Variants in KAT6A observed in about 807,000 individuals in gnomAD.
KAT6A encodes the protein histone acetyltransferase KAT6A.
KAT6A carries 9 observed loss-of-function variants against 198.4 expected under a neutral mutation model. That is an observed-to-expected ratio of 0.05 (90% CI 0.03 to 0.08). The LOEUF (loss-of-function observed/expected upper bound fraction) is 0.08. KAT6A is among the 10% of genes least tolerant of loss of function. The pLI is 1.00. For missense variants in KAT6A, 2,077 were observed against 2,509.9 expected, an observed-to-expected ratio of 0.83 and a Z score of 3.69; for synonymous variants, 890 against 883.0, an observed-to-expected ratio of 1.01 and a Z score of -0.14.
At chr8:42,006,780 G>C (rs1825771834) in intron 2 of KAT6A, among the ~76,000 whole-genome samples, 1 of 152,122 alleles carries the variant, frequency 6.6e-6, no homozygotes, top group Non-Finnish European at 1.5e-5. Flanking sequence ...CGGATCACCT[G>C]AGGTCAGGAG....
intron 2 of KAT6A, among the ~76,000 whole-genome samples, chr8:42,013,802 A>G (rs576481256): frequency 1.6e-4 from 24 of 152,358 alleles, no homozygotes; most frequent in African/African-American, 5.8e-4. Flanking sequence ...AAGGAGTTCA[A>G]TTAGGAGGCA....
At chr8:42,001,154 T>C (rs182808628) in intron 2 of KAT6A, among the ~76,000 whole-genome samples, 89 of 152,344 alleles carry the variant, frequency 5.8e-4, no homozygotes, top group Admixed American at 4.8e-3. Flanking sequence ...CCAGAGGTTC[T>C]CTGCTGCCTT....
Position 41,931,903 on chromosome 8 carries a change from A to T in KAT6A, c.*302T>A. ...AATTCTGTCCATGTGGTATGTAAAG[A>T]AAGTAAGGCTCTTTTTAATTATGAA... is the stretch of plus-strand genomic sequence containing the variant. On this transcript the variant is annotated 3_prime_UTR_variant, in exon 17 of 17. Coordinates refer to ENST00000265713, the MANE Select transcript of KAT6A (RefSeq NM_006766.5). 3.7e-6 allele frequency: 1 copy of T among 267,728 alleles called. No homozygotes were observed. The highest frequency in any genetic ancestry group is 7.0e-6 in the Non-Finnish European group (1 of 143,136). 16.6% of individuals were successfully genotyped at this position (267,728 alleles called of 1,614,324 possible).
chr8:41,946,728 A>G (rs745858583), intron 11 of KAT6A, 44 bp from the exon 12 acceptor site: 307 of 1,114,130 alleles, frequency 2.8e-4, no homozygotes, highest in Middle Eastern at 9.8e-4. Flanking sequence ...AGGCTGGTAA[A>G]AGTGAATAAT....
chr8:41,943,206 C>A (rs995545760), intron 13 of KAT6A, among the ~76,000 whole-genome samples: 1 of 152,156 alleles, frequency 6.6e-6, no homozygotes, highest in Non-Finnish European at 1.5e-5. Context: ...CTACCGTGGC[C>A]GCGGGCTGTT....
chr8:41,962,684 G>A (rs192264416), intron 8 of KAT6A, among the ~76,000 whole-genome samples: 1 of 152,098 alleles, frequency 6.6e-6, no homozygotes, highest in East Asian at 1.9e-4. Context: ...CCCTCCCAGG[G>A]TTCCCATCTC....
At chr8:41,937,627 T>C in intron 15 of KAT6A, 59 bp from the exon 16 acceptor site, 1 of 1,362,570 alleles carries the variant, frequency 7.3e-7, no homozygotes, top group Non-Finnish European at 1.0e-6. Context: ...CTATTAATAA[T>C]ACGAAAACAG....
chr8:42,031,370 G>C (rs762949194), intron 2 of KAT6A, among the ~76,000 whole-genome samples: 1 of 152,116 alleles, frequency 6.6e-6, no homozygotes, highest in Non-Finnish European at 1.5e-5. Context: ...GAATACATCT[G>C]ATACCCTATT....
intron 2 of KAT6A, among the ~76,000 whole-genome samples, chr8:42,034,906 T>C (rs183881447): frequency 1.3e-5 from 2 of 152,364 alleles, no homozygotes; most frequent in East Asian, 3.9e-4. Context: ...TTAAGCAAAT[T>C]ACCCAAGGTC....
intron 2 of KAT6A, among the ~76,000 whole-genome samples, chr8:41,997,510 C>G (rs927483858): frequency 4.6e-5 from 7 of 152,172 alleles, no homozygotes; most frequent in Non-Finnish European, 1.0e-4. Flanking sequence ...AGTTAGTTAT[C>G]TTTTAATCCA....
intron 3 of KAT6A, among the ~76,000 whole-genome samples, chr8:41,983,726 T>C (rs1210498182): frequency 6.6e-6 from 1 of 152,210 alleles, no homozygotes; most frequent in East Asian, 1.9e-4. Context: ...CCAAAAACTA[T>C]GATATAATAT....
chr8:42,008,511 T>G (rs1175547014), intron 2 of KAT6A, among the ~76,000 whole-genome samples: 1 of 152,054 alleles, frequency 6.6e-6, no homozygotes, highest in Non-Finnish European at 1.5e-5. Context: ...CTAAGTTTTA[T>G]ATATTTTTTG....
At chr8:41,955,254 A>G in intron 9 of KAT6A, 42 bp downstream of exon 9, 2 of 1,206,054 alleles carry the variant, frequency 1.7e-6, no homozygotes, top group Non-Finnish European at 2.5e-6. Context: ...CCAGACTTCT[A>G]TGGATCTCAA....
chr8:42,006,087 A>G (rs1825732153), intron 2 of KAT6A, among the ~76,000 whole-genome samples: 1 of 152,210 alleles, frequency 6.6e-6, no homozygotes, highest in African/African-American at 2.4e-5. Context: ...TCAAATAACA[A>G]TTACCTTATT....
rs1235242076 is a variant in KAT6A, at chr8:41,930,319, G to C, written c.*1886C>G. 9.8e-6 allele frequency: 2 copies of C among 204,058 alleles called. No homozygotes were observed. Among genetic ancestry groups the C allele is most frequent in the Non-Finnish European group, 2.0e-5 (2 of 101,866 alleles). The allele number at this position is 204,058 out of a possible 1,614,324, so 12.6% of individuals were successfully genotyped here. A position where few individuals can be genotyped will look rare whatever the true frequency, so the allele number is the denominator to read the frequency against. The stretch of plus-strand genomic sequence containing the variant: ...AGATGTAGGGCGATGGCAGCACAGT[G>C]CACTTTCTACATAGATGACTGGGAA... On this transcript the variant is annotated 3_prime_UTR_variant, in exon 17 of 17. Transcript: ENST00000265713.
intron 2 of KAT6A, among the ~76,000 whole-genome samples, chr8:42,027,096 T>C (rs1309322676): frequency 6.6e-6 from 1 of 152,228 alleles, no homozygotes; most frequent in Non-Finnish European, 1.5e-5. Context: ...ATGAACATAT[T>C]TGAATATGCA....
chr8:42,003,758 T>C (rs1052473302), intron 2 of KAT6A, among the ~76,000 whole-genome samples: 8 of 152,092 alleles, frequency 5.3e-5, no homozygotes, highest in South Asian at 2.1e-4. Context: ...ACAGAGGTAA[T>C]TGAGGTTAAA....
In KAT6A at chr8:41,949,005, A is replaced by G. The variant is rs115778864; in HGVS notation, c.1740+217T>C. Among the ~76,000 whole-genome samples the G allele has an allele frequency of 3.6e-3, 549 of 152,334 alleles. 2 individuals are homozygous for G. The highest frequency in any genetic ancestry group is 0.013 in the African/African-American group (528 of 41,576). Reference sequence around the variant, plus strand: ...ATAGAAATCCTTTCATTTAAATGCCATATTTCATAGATTCTAAGATGTACT... The same window carrying G: ...ATAGAAATCCTTTCATTTAAATGCCGTATTTCATAGATTCTAAGATGTACT... On this transcript the variant is annotated intron_variant, in intron 10 of 16. Coordinates refer to ENST00000265713, the MANE Select transcript of KAT6A (RefSeq NM_006766.5).
At position 42,048,514 on chromosome 8, in the gene KAT6A, A is replaced by T; in HGVS notation, c.464T>A (p.Ile155Asn). 1.2e-6 allele frequency: 2 copies of T among 1,614,194 alleles called. No individual in the cohort carries two copies. Among genetic ancestry groups the T allele is most frequent in the Non-Finnish European group, 1.7e-6 (2 of 1,180,030 alleles). ...ATCTTTAAGGAGTCTGCCGTGGCCA[A>T]TGGCACGTTTGATAGCCAATCGTAA... The part of the protein sequence containing the change: ...QQLRLAIKRA[I>N]GHGRLLKDGP... The change falls in exon 2 of 17, where the codon ATT (isoleucine) becomes AAT (asparagine). Residue 155 changes from isoleucine (I) to asparagine (N), a missense_variant. By Grantham distance (149) the Ile-to-Asn change is moderately radical. Transcript: ENST00000265713.
Sources: allele counts gnomAD v4.1 joint callset (sites outside exome capture counted in the v4.1 genomes callset), GRCh38; gene constraint gnomAD v4.1.1; transcripts MANE v1.5; gene names NCBI Gene and HGNC (gene_info 2026-07-23, HGNC 2026-07-21).